Variants in ATG10 observed in about 807,000 individuals in gnomAD.
ATG10 encodes autophagy related 10.
In ATG10, 30 loss-of-function variants were observed where a neutral mutation model predicts 32.1. The ratio of observed to expected loss-of-function variants is 0.94; its 90% confidence interval spans 0.70 to 1.27. The LOEUF (loss-of-function observed/expected upper bound fraction) is 1.27, where lower values mean the gene tolerates loss of function less well. ATG10 is among the 50% of genes most tolerant of loss of function. The pLI, the probability that ATG10 is intolerant of heterozygous loss-of-function variation, is 0.00. For synonymous variants in ATG10, 87 were observed against 91.5 expected, an observed-to-expected ratio of 0.95 and a Z score of 0.28; for missense variants, 233 against 262.3, an observed-to-expected ratio of 0.89 and a Z score of 0.77.
intron 3 of ATG10, among the ~76,000 whole-genome samples, chr5:82,105,710 C>A (rs565167193): frequency 7.9e-5 from 12 of 152,214 alleles, no homozygotes; most frequent in Non-Finnish European, 1.2e-4. Flanking sequence ...TGCCATTGTC[C>A]TATGGCACCC....
At chr5:82,218,286 C>T (rs374368686) in intron 5 of ATG10, among the ~76,000 whole-genome samples, 1 of 152,344 alleles carries the variant, frequency 6.6e-6, no homozygotes, top group Middle Eastern at 3.4e-3. Context: ...CCATGTGGTT[C>T]TTTCCTGCTA....
chr5:82,213,260 T>C (rs781743256), intron 5 of ATG10, among the ~76,000 whole-genome samples: 3 of 152,254 alleles, frequency 2.0e-5, no homozygotes, highest in Non-Finnish European at 2.9e-5. Flanking sequence ...CCTTTGGACC[T>C]GAAGCCAGTT....
rs190805454 is a variant in ATG10, at chr5:82,037,535, C to T, written c.109-20960C>T. Among the ~76,000 whole-genome samples the T allele has an allele frequency of 3.8e-3, 574 of 151,776 alleles. 1 individual carries two copies. Among genetic ancestry groups the T allele is most frequent in the Admixed American group, 7.6e-3 (115 of 15,224 alleles). On this transcript the variant is annotated intron_variant, in intron 2 of 7. Transcript: ENST00000282185. ...GTGCTGGGATTACAGGCGTGAGCCA[C>T]CGCGCCCGGCCCCATTTACTTTTTA...
chr5:82,219,002 T>C (rs901508172), intron 5 of ATG10, among the ~76,000 whole-genome samples: 2 of 152,218 alleles, frequency 1.3e-5, no homozygotes, highest in African/African-American at 4.8e-5. Flanking sequence ...TATCAACAGT[T>C]GCTAAGGAAC....
intron 3 of ATG10, among the ~76,000 whole-genome samples, chr5:82,100,000 G>GTTTTTTTTTTTTT (rs869311526): frequency 1.4e-4 from 8 of 58,942 alleles, no homozygotes; most frequent in East Asian, 5.2e-4. Flanking sequence ...CTTTTTCTGT[G>GTTTTTTTTTTTTT]TTTTTTTTTT....
chr5:82,097,188 A>T (rs1393611191), intron 3 of ATG10, among the ~76,000 whole-genome samples: 1 of 152,132 alleles, frequency 6.6e-6, no homozygotes, highest in African/African-American at 2.4e-5. Context: ...CTAAATACAA[A>T]TTATTGTTAT....
chr5:81,996,492 G>A (rs76826153), intron 2 of ATG10, among the ~76,000 whole-genome samples: 9,548 of 152,202 alleles, frequency 0.063, 384 homozygotes, highest in Non-Finnish European at 0.09. Context: ...CTCCCACCTT[G>A]GCTTCCCAAA....
chr5:82,094,349 T>A (rs1764985099), intron 3 of ATG10, among the ~76,000 whole-genome samples: 1 of 152,160 alleles, frequency 6.6e-6, no homozygotes, highest in African/African-American at 2.4e-5. Context: ...AAAGTAGAAA[T>A]CTTCAGAAGC....
At chr5:81,992,157 T>C (rs1469318095) in intron 2 of ATG10, 1 of 152,206 alleles carries the variant, frequency 6.6e-6, no homozygotes, top group Non-Finnish European at 1.5e-5. Flanking sequence ...ACCCAGCTAA[T>C]TTTTTAATTT....
intron 2 of ATG10, chr5:82,009,917 C>A (rs931395274): frequency 1.2e-6 from 2 of 1,611,012 alleles, no homozygotes; most frequent in Middle Eastern, 1.7e-4. Flanking sequence ...GACACATAAA[C>A]CCTGGAATAA....
intron 3 of ATG10, among the ~76,000 whole-genome samples, chr5:82,153,369 T>G (rs1767678072): frequency 6.6e-6 from 1 of 152,018 alleles, no homozygotes; most frequent in African/African-American, 2.4e-5. Context: ...AGAAAAAAAC[T>G]TGTGGGGCAT....
In ATG10 at chr5:82,011,833, G is replaced by C. The variant is rs535074880; in HGVS notation, c.108+24155G>C. On this transcript the variant is annotated intron_variant, in intron 2 of 7. Coordinates refer to ENST00000282185, the MANE Select transcript of ATG10 (RefSeq NM_031482.5). ...TGTGTGGACAGCTTGGGTCCCCTTA[G>C]CTTCCCCTACACATGTGAGTGGAAG... Among the ~76,000 whole-genome samples, 3 of 152,242 alleles carry C rather than the reference G, an allele frequency of 2.0e-5. No homozygotes were observed. The East Asian group carries it at 5.8e-4, about 29-fold the overall frequency.
At chr5:82,047,174 C>T (rs777034856) in intron 2 of ATG10, among the ~76,000 whole-genome samples, 4 of 152,026 alleles carry the variant, frequency 2.6e-5, no homozygotes, top group African/African-American at 7.2e-5. Flanking sequence ...TTATAATATC[C>T]GTTGGCCATT....
At chr5:82,024,658 CAT>C (rs1445600347) in intron 2 of ATG10, among the ~76,000 whole-genome samples, 4 of 152,130 alleles carry the variant, frequency 2.6e-5, no homozygotes, top group Non-Finnish European at 4.4e-5. Context: ...TGCCCTATAA[CAT>C]AACATTATGT....
chr5:82,084,710 G>C (rs1333474488), intron 3 of ATG10, among the ~76,000 whole-genome samples: 5 of 152,142 alleles, frequency 3.3e-5, no homozygotes, highest in Admixed American at 3.3e-4. Flanking sequence ...TTTCAACCCA[G>C]AATTTCATAT....
intron 3 of ATG10, among the ~76,000 whole-genome samples, chr5:82,139,487 C>T (rs1179195388): frequency 7.3e-6 from 1 of 137,850 alleles, no homozygotes. Context: ...AGCGCCTCTG[C>T]CCCGCCGCCC....
At chr5:82,175,004 A>T (rs1237338866) in intron 4 of ATG10, among the ~76,000 whole-genome samples, 1 of 152,120 alleles carries the variant, frequency 6.6e-6, no homozygotes, top group Non-Finnish European at 1.5e-5. Flanking sequence ...TGGAGAGGGT[A>T]TTCATGGAGG....
At position 82,254,943 on chromosome 5, in the gene ATG10, T is replaced by C. The variant is rs923495374; in HGVS notation, c.*880T>C. On this transcript the variant is annotated 3_prime_UTR_variant, in exon 8 of 8. Transcript: ENST00000282185. ...GTGTATGTGTGGGTGTTTGTGTAGA[T>C]AGTTGTAAAACAAAGAAAAAACACA... is the stretch of plus-strand genomic sequence containing the variant. 2.0e-5 allele frequency: 3 copies of C among 151,214 alleles called. No individual in the cohort carries two copies. The highest frequency in any genetic ancestry group is 6.6e-5 in the Admixed American group (1 of 15,154). 9.4% of individuals were successfully genotyped at this position (151,214 alleles called of 1,614,324 possible). A position where few individuals can be genotyped will look rare whatever the true frequency, so the allele number is the denominator to read the frequency against.
At chr5:82,072,091 C>G (rs1045996714) in intron 3 of ATG10, among the ~76,000 whole-genome samples, 7 of 152,276 alleles carry the variant, frequency 4.6e-5, no homozygotes, top group Admixed American at 1.3e-4. Context: ...TATGCTGGAA[C>G]TTCTTTGCAG....
Sources: allele counts gnomAD v4.1 joint callset (sites outside exome capture counted in the v4.1 genomes callset), GRCh38; gene constraint gnomAD v4.1.1; transcripts MANE v1.5; gene names NCBI Gene and HGNC (gene_info 2026-07-23, HGNC 2026-07-21).